PC: variants seen among roughly 807,000 people sequenced by gnomAD.
PC encodes pyruvate carboxylase, mitochondrial.
Under a neutral mutation model 107.8 loss-of-function variants are expected in PC, and 46 were observed. That is an observed-to-expected ratio of 0.43 (90% CI 0.34 to 0.55). PC has a LOEUF of 0.55. Among genes scored for constraint, PC ranks in the 20% least tolerant of loss-of-function variants. The probability of loss-of-function intolerance (pLI) is 0.04; values close to 1 mark genes in which losing one functional copy is unlikely to be tolerated. For missense variants in PC, 1,241 were observed against 1,643.1 expected (o/e 0.76, Z 4.23); for synonymous variants, 662 against 684.7 (o/e 0.97, Z 0.52).
intron 12 of PC, among the ~76,000 whole-genome samples, chr11:66,853,694 G>A (rs1382459788): frequency 1.3e-5 from 2 of 152,214 alleles, no homozygotes; most frequent in Admixed American, 1.3e-4. Context: ...GTGGCCCACA[G>A]CAGTCACCCT....
chr11:66,865,137 C>G (rs1946436377), intron 11 of PC, among the ~76,000 whole-genome samples: 1 of 152,212 alleles, frequency 6.6e-6, no homozygotes, highest in Non-Finnish European at 1.5e-5. Flanking sequence ...ACAGACTCTT[C>G]CAGAAACAGA....
intron 3 of PC, among the ~76,000 whole-genome samples, chr11:66,913,063 G>C (rs577059194): frequency 3.3e-5 from 5 of 152,148 alleles, no homozygotes; most frequent in African/African-American, 1.2e-4. Flanking sequence ...CGTGAAACCC[G>C]GGTGGGAATG....
At position 66,881,738 on chromosome 11, in the gene PC, C is replaced by A. The variant is rs556333306; in HGVS notation, c.1-9579G>T. ...CAGACTCACTCAGTAACCCTCACAG[C>A]CCCTCATCACCTCCCTGTACAGGTA... On this transcript the variant is annotated intron_variant, in intron 3 of 22. Transcript: ENST00000393960. Among the ~76,000 whole-genome samples, 7 of 152,364 alleles carry A rather than the reference C, an allele frequency of 4.6e-5. No individual in the cohort carries two copies. The East Asian group carries it at 1.3e-3, about 29-fold the overall frequency.
At chr11:66,900,849 C>T (rs183665297) in intron 3 of PC, among the ~76,000 whole-genome samples, 1 of 152,322 alleles carries the variant, frequency 6.6e-6, no homozygotes, top group African/African-American at 2.4e-5. Context: ...GTCCTGCAAC[C>T]TTGCTGAACT....
At chr11:66,885,308 G>A (rs1046664575) in intron 3 of PC, among the ~76,000 whole-genome samples, 1 of 152,102 alleles carries the variant, frequency 6.6e-6, no homozygotes, top group Admixed American at 6.6e-5. Context: ...GGCCAACAAG[G>A]CGAAACCCAT....
intron 3 of PC, among the ~76,000 whole-genome samples, chr11:66,939,543 G>A (rs1949072932): frequency 6.6e-6 from 1 of 151,932 alleles, no homozygotes; most frequent in African/African-American, 2.4e-5. Context: ...AGTGGTTCAC[G>A]CCTGTAATCC....
chr11:66,848,587 C>T lies in PC; in HGVS notation c.*312G>A. 4 of 599,156 alleles carry T rather than the reference C, an allele frequency of 6.7e-6. No individual in the cohort carries two copies. The highest frequency in any genetic ancestry group is 8.9e-6 in the Non-Finnish European group (3 of 335,954). 37.1% of individuals were successfully genotyped at this position (599,156 alleles called of 1,614,324 possible). A position where few individuals can be genotyped will look rare whatever the true frequency, so the allele number is the denominator to read the frequency against. On this transcript the variant is annotated 3_prime_UTR_variant, in exon 23 of 23. Coordinates refer to ENST00000393960, the MANE Select transcript of PC (RefSeq NM_001040716.2). ...GGACCTGGGACATCTTAGATCTCCC[C>T]TTCCCCCAGGAGATAGGACCCCTAA... is the stretch of plus-strand genomic sequence containing the variant.
intron 3 of PC, among the ~76,000 whole-genome samples, chr11:66,889,057 G>T (rs531851657): frequency 3.9e-5 from 6 of 152,324 alleles, no homozygotes; most frequent in Non-Finnish European, 7.3e-5. Context: ...CTGGGTGACA[G>T]AGTGAGACTC....
chr11:66,876,054 G>A (rs985513250), intron 3 of PC, among the ~76,000 whole-genome samples: 3 of 152,288 alleles, frequency 2.0e-5, no homozygotes, highest in East Asian at 3.9e-4. Flanking sequence ...ACGCAAGAAC[G>A]GTTTCAGATG....
chr11:66,951,034 C>T (rs938520333), intron 3 of PC, among the ~76,000 whole-genome samples: 9 of 152,082 alleles, frequency 5.9e-5, no homozygotes, highest in African/African-American at 1.7e-4. Context: ...AATGGTAGCA[C>T]GCAGACGGCA....
At chr11:66,863,298 C>T (rs1374224821) in intron 12 of PC, among the ~76,000 whole-genome samples, 3 of 152,138 alleles carry the variant, frequency 2.0e-5, no homozygotes, top group African/African-American at 7.2e-5. Flanking sequence ...CGAGATCGCG[C>T]CACTGCACTC....
chr11:66,883,183 C>T (rs1008563817), intron 3 of PC, among the ~76,000 whole-genome samples: 3 of 152,084 alleles, frequency 2.0e-5, no homozygotes, highest in Admixed American at 6.5e-5. Context: ...AGGGTGGCAC[C>T]GAGGCGACTG....
Position 66,866,125 on chromosome 11 carries a change from G to A in PC, c.1185+62C>T, listed in dbSNP as rs2135915786. On this transcript the variant is annotated intron_variant, in intron 11 of 22. Transcript: ENST00000393960. The surrounding 1 kb of genome is among the most constrained non-coding windows in gnomAD (Gnocchi z 5.4). The stretch of plus-strand genomic sequence containing the variant: ...GTGGCAACTTGGCACTGCAGCCCCA[G>A]GCACCAGGCAGAACCTGTGCACAGG... 2 of 1,560,590 alleles carry A rather than the reference G, an allele frequency of 1.3e-6. No individual in the cohort carries two copies. The highest frequency in any genetic ancestry group is 1.7e-6 in the Non-Finnish European group (2 of 1,150,128).
chr11:66,953,145 C>T (rs1217807612), intron 2 of PC, among the ~76,000 whole-genome samples: 3 of 152,200 alleles, frequency 2.0e-5, no homozygotes, highest in African/African-American at 7.2e-5. Context: ...CCTTTTCTGC[C>T]ACCCACTACA....
In PC at chr11:66,860,188, T is replaced by C. The variant is rs1476053253; in HGVS notation, c.1368+3586A>G. Reference sequence around the variant, plus strand: ...AGCGCCGAGCGGCTGGAAGAGAGTGTGGTGTGATGGACGGGCAGCTTCCTG... The same window carrying C: ...AGCGCCGAGCGGCTGGAAGAGAGTGCGGTGTGATGGACGGGCAGCTTCCTG... On this transcript the variant is annotated intron_variant, in intron 12 of 22. Transcript: ENST00000393960. The C allele has an allele frequency of 4.5e-6, 7 of 1,544,618 alleles. No individual in the cohort carries two copies. The highest frequency in any genetic ancestry group is 6.1e-6 in the Non-Finnish European group (7 of 1,147,466).
At chr11:66,874,925 C>T (rs2167457) in intron 3 of PC, among the ~76,000 whole-genome samples, 37,783 of 151,926 alleles carry the variant, frequency 0.25, 4,803 homozygotes, top group Middle Eastern at 0.33. Context: ...GGGGAGAAGT[C>T]GGCCACGCAC....
chr11:66,915,670 G>A (rs2136080219), intron 3 of PC, among the ~76,000 whole-genome samples: 2 of 152,282 alleles, frequency 1.3e-5, no homozygotes, highest in Middle Eastern at 6.8e-3. Flanking sequence ...CCCGCAGGGG[G>A]AGCTACCAGG....
Position 66,848,974 on chromosome 11 carries a change from C to G in PC, c.3462G>C (p.Glu1154Asp), listed in dbSNP as rs373287823. 2.7e-5 allele frequency: 44 copies of G among 1,614,002 alleles called. No homozygotes were observed. The African/African-American group carries it at 5.7e-4, about 21-fold the overall frequency. The change falls in exon 23 of 23, where the codon GAG becomes GAC. Residue 1154 changes from glutamate to aspartate, a missense_variant. By Grantham distance (45) the Glu-to-Asp change is conservative. Coordinates refer to ENST00000393960, the MANE Select transcript of PC (RefSeq NM_001040716.2). Reference protein sequence around the residue: ...KMETVVTSPMEGTVRKVHVTK... With the variant: ...KMETVVTSPMDGTVRKVHVTK... ...TCACATGAACCTTGCGGACAGTACC[C>G]TCCATGGGTGAGGTCACCACAGTCT...
intron 3 of PC, among the ~76,000 whole-genome samples, chr11:66,922,808 C>T (rs1289510295): frequency 6.6e-6 from 1 of 152,192 alleles, no homozygotes; most frequent in Non-Finnish European, 1.5e-5. Context: ...CACTTCACTT[C>T]TTAGGCTTTA....
Sources: gnomAD v4.1 joint callset for allele counts (sites outside exome capture counted in the v4.1 genomes callset) on GRCh38, gnomAD v4.1.1 for gene constraint, Gnocchi (gnomAD v3.1) non-coding constraint, MANE v1.5 for transcripts, NCBI Gene and HGNC (gene_info 2026-07-23, HGNC 2026-07-21) for gene names.